Variants in PLA2G4A observed in about 807,000 individuals in gnomAD.
The protein encoded by PLA2G4A is cytosolic phospholipase A2.
Under a neutral mutation model 81.9 loss-of-function variants are expected in PLA2G4A, and 40 were observed. The ratio of observed to expected loss-of-function variants is 0.49; its 90% CI spans 0.38 to 0.64. PLA2G4A has a LOEUF of 0.64. PLA2G4A is among the 30% of genes least tolerant of loss of function. The probability of loss-of-function intolerance (pLI) is 0.00; values close to 1 mark genes in which losing one functional copy is unlikely to be tolerated. For missense variants in PLA2G4A, 715 were observed against 905.1 expected, an observed-to-expected ratio of 0.79 and a Z score of 2.69; for synonymous variants, 302 against 296.9, an observed-to-expected ratio of 1.02 and a Z score of -0.18.
intron 1 of PLA2G4A, among the ~76,000 whole-genome samples, chr1:186,843,741 ATCTCCAACG>A (rs1652070292): frequency 6.6e-6 from 1 of 152,226 alleles, no homozygotes; most frequent in Non-Finnish European, 1.5e-5. Flanking sequence ...AGGATGGAGT[ATCTCCAACG>A]TCATGGCCTT....
intron 5 of PLA2G4A, among the ~76,000 whole-genome samples, chr1:186,896,682 G>A (rs1654342938): frequency 6.6e-6 from 1 of 152,050 alleles, no homozygotes; most frequent in Non-Finnish European, 1.5e-5. Flanking sequence ...TAATCCCTAG[G>A]GCTCTAAAAA....
At chr1:186,848,073 A>C (rs1652249788) in intron 1 of PLA2G4A, among the ~76,000 whole-genome samples, 1 of 152,128 alleles carries the variant, frequency 6.6e-6, no homozygotes. Flanking sequence ...GAAAACGAAA[A>C]CTGGAAGTGG....
At chr1:186,933,458 A>G (rs1655825112) in intron 8 of PLA2G4A, among the ~76,000 whole-genome samples, 1 of 152,224 alleles carries the variant, frequency 6.6e-6, no homozygotes, top group Non-Finnish European at 1.5e-5. Flanking sequence ...TAAAGCATCC[A>G]TATGTATAAT....
chr1:186,888,334 G>A (rs1654012231), intron 3 of PLA2G4A, among the ~76,000 whole-genome samples: 7 of 152,082 alleles, frequency 4.6e-5, no homozygotes, highest in Admixed American at 4.6e-4. Flanking sequence ...GAGAAGATGG[G>A]TAGATAATGG....
chr1:186,949,403 AG>A (rs1656467035), intron 12 of PLA2G4A, among the ~76,000 whole-genome samples: 1 of 17,626 alleles, frequency 5.7e-5, no homozygotes, highest in African/African-American at 2.3e-4. Flanking sequence ...AGAAAAAGAA[AG>A]AAGAAAGAAA....
chr1:186,860,994 G>T (rs1277525935), intron 2 of PLA2G4A, among the ~76,000 whole-genome samples: 1 of 152,088 alleles, frequency 6.6e-6, no homozygotes, highest in African/African-American at 2.4e-5. Context: ...GATTAATTAT[G>T]CTAGTTTGTA....
At chr1:186,951,492 C>CA (rs1429892861) in intron 13 of PLA2G4A, among the ~76,000 whole-genome samples, 1 of 149,996 alleles carries the variant, frequency 6.7e-6, no homozygotes, top group African/African-American at 2.4e-5. Context: ...ACAACAACAA[C>CA]AAAAAACAAA....
intron 1 of PLA2G4A, among the ~76,000 whole-genome samples, chr1:186,841,913 G>C (rs1286553083): frequency 6.9e-6 from 1 of 144,532 alleles, no homozygotes; most frequent in Non-Finnish European, 1.5e-5. Context: ...TAGAATGTGT[G>C]TATGTATATG....
intron 5 of PLA2G4A, among the ~76,000 whole-genome samples, chr1:186,896,981 G>A (rs1654355564): frequency 6.6e-6 from 1 of 152,030 alleles, no homozygotes; most frequent in Non-Finnish European, 1.5e-5. Context: ...TCTTCCTGAT[G>A]ATCTTTCTAC....
At chr1:186,906,149 A>T (rs1299211519) in intron 5 of PLA2G4A, among the ~76,000 whole-genome samples, 2 of 152,204 alleles carry the variant, frequency 1.3e-5, no homozygotes, top group Non-Finnish European at 2.9e-5. Flanking sequence ...CTGTGTAGCA[A>T]CTTTCAAAGC....
chr1:186,988,749 A>C lies in PLA2G4A; in HGVS notation c.*241A>C. 3 of 386,202 alleles carry C rather than the reference A, an allele frequency of 7.8e-6. No homozygotes were observed. The highest frequency in any genetic ancestry group is 1.5e-5 in the Non-Finnish European group (3 of 202,624). 23.9% of individuals were successfully genotyped at this position (386,202 alleles called of 1,614,324 possible). A position where few individuals can be genotyped will look rare whatever the true frequency, so the allele number is the denominator to read the frequency against. On this transcript the variant is annotated 3_prime_UTR_variant, in exon 18 of 18. Coordinates refer to ENST00000367466, the MANE Select transcript of PLA2G4A (RefSeq NM_024420.3). Reference sequence around the variant, plus strand: ...AGTCAGTATGAACTTCCTGATACAAATGTAGGGATATATACTGTATTTTTA... The same window carrying C: ...AGTCAGTATGAACTTCCTGATACAACTGTAGGGATATATACTGTATTTTTA...
At chr1:186,843,503 C>T (rs1384875177) in intron 1 of PLA2G4A, among the ~76,000 whole-genome samples, 1 of 152,192 alleles carries the variant, frequency 6.6e-6, no homozygotes, top group Non-Finnish European at 1.5e-5. Flanking sequence ...GAAGACAGAA[C>T]TTCCTTTGTG....
chr1:186,940,993 A>G (rs1656132936), intron 10 of PLA2G4A, among the ~76,000 whole-genome samples: 1 of 151,980 alleles, frequency 6.6e-6, no homozygotes, highest in Non-Finnish European at 1.5e-5. Flanking sequence ...AAAAGTGCAC[A>G]ACACTACTCG....
chr1:186,836,508 T>G (rs1371441160), intron 1 of PLA2G4A, among the ~76,000 whole-genome samples: 1 of 152,134 alleles, frequency 6.6e-6, no homozygotes, highest in African/African-American at 2.4e-5. Context: ...TATAGTATAC[T>G]TAGAAAAGTA....
chr1:186,954,684 A>AAC (rs201626041), intron 13 of PLA2G4A, among the ~76,000 whole-genome samples: 36 of 151,412 alleles, frequency 2.4e-4, no homozygotes, highest in African/African-American at 6.1e-4. Context: ...TCTTTATTTC[A>AAC]ACACACACAC....
At chr1:186,904,549 C>T (rs999959821) in intron 5 of PLA2G4A, among the ~76,000 whole-genome samples, 2 of 152,176 alleles carry the variant, frequency 1.3e-5, no homozygotes, top group Non-Finnish European at 2.9e-5. Flanking sequence ...TAAATTTCCT[C>T]CTGGTTGTGG....
At chr1:186,947,039 TA>T (rs1231709509) in intron 12 of PLA2G4A, 78 bp downstream of exon 12, 2 of 786,866 alleles carry the variant, frequency 2.5e-6, no homozygotes, top group Non-Finnish European at 4.4e-6. Flanking sequence ...GAGAGAATAT[TA>T]AATCTTTGTA....
At chr1:186,924,748 T>C (rs1197599045) in intron 7 of PLA2G4A, among the ~76,000 whole-genome samples, 1 of 151,884 alleles carries the variant, frequency 6.6e-6, no homozygotes, top group Non-Finnish European at 1.5e-5. Context: ...GAGAAATACG[T>C]TTTTCTAGGC....
chr1:186,956,054 T>C, intron 13 of PLA2G4A, 48 bp from the exon 14 acceptor site: 1 of 1,578,954 alleles, frequency 6.3e-7, no homozygotes, highest in Non-Finnish European at 8.7e-7. Context: ...GATCCCTTTT[T>C]AAACATGTAT....
Sources: gnomAD v4.1 joint callset for allele counts (sites outside exome capture counted in the v4.1 genomes callset) on GRCh38, gnomAD v4.1.1 for gene constraint, MANE v1.5 for transcripts, NCBI Gene and HGNC (gene_info 2026-07-23, HGNC 2026-07-21) for gene names.